KCTD9: variants seen among roughly 807,000 people sequenced by gnomAD.
KCTD9 encodes the protein potassium channel tetramerization domain containing 9.
A neutral mutation model predicts 53.3 loss-of-function variants in KCTD9; 17 were observed. The ratio of observed to expected loss-of-function variants is 0.32; its 90% CI spans 0.22 to 0.48. The LOEUF is 0.48. KCTD9 is among the 20% of genes least tolerant of loss of function. KCTD9 has a pLI of 0.99. For missense variants in KCTD9, 179 were observed against 465.5 expected (o/e 0.38, Z 5.66); for synonymous variants, 128 against 162.7 (o/e 0.79, Z 1.62).
intron 6 of KCTD9, 48 bp from the exon 7 acceptor site, chr8:25,436,533 T>A: frequency 1.5e-5 from 16 of 1,077,454 alleles, no homozygotes; most frequent in Non-Finnish European, 2.0e-5. Context: ...AGTGAATGTA[T>A]TACATTCATT....
intron 2 of KCTD9, 60 bp from the exon 3 acceptor site, chr8:25,444,395 G>T: frequency 6.8e-7 from 1 of 1,460,160 alleles, no homozygotes; most frequent in Non-Finnish European, 9.5e-7. Flanking sequence ...TTAATTATCT[G>T]TTGCTTATAG....
intron 1 of KCTD9, among the ~76,000 whole-genome samples, chr8:25,453,218 G>A (rs1563250823): frequency 6.6e-6 from 1 of 152,072 alleles, no homozygotes; most frequent in Non-Finnish European, 1.5e-5. Flanking sequence ...TTAGCTGGGA[G>A]TGGTGGCACG....
At position 25,428,204 on chromosome 8, in the gene KCTD9, T is replaced by A. The variant is rs1217952475; in HGVS notation, c.*1653A>T. On this transcript the variant is annotated 3_prime_UTR_variant, in exon 12 of 12. Coordinates refer to ENST00000221200, the MANE Select transcript of KCTD9 (RefSeq NM_017634.4). ...TAATTCCTGAAAATATAGTACAGAG[T>A]GAAATGATTTAAATATAATTTAGGC... is the stretch of plus-strand genomic sequence containing the variant. The A allele has an allele frequency of 2.0e-5, 3 of 152,566 alleles. No individual in the cohort carries two copies. The highest frequency in any genetic ancestry group is 4.4e-5 in the Non-Finnish European group (3 of 68,026). 9.5% of individuals were successfully genotyped at this position (152,566 alleles called of 1,614,324 possible).
chr8:25,449,298 C>A (rs1586436218), intron 1 of KCTD9, among the ~76,000 whole-genome samples: 1 of 152,290 alleles, frequency 6.6e-6, no homozygotes, highest in East Asian at 1.9e-4. Flanking sequence ...TCTTTCTTTT[C>A]CCTCTTATTT....
At chr8:25,436,698 CAAA>C (rs1327055230) in intron 6 of KCTD9, among the ~76,000 whole-genome samples, 1 of 151,870 alleles carries the variant, frequency 6.6e-6, no homozygotes, top group Non-Finnish European at 1.5e-5. Context: ...ACAAAAAAGT[CAAA>C]AGTATAATTC....
At chr8:25,439,090 C>T (rs1802071191) in intron 6 of KCTD9, among the ~76,000 whole-genome samples, 189 bp downstream of exon 6, 1 of 152,110 alleles carries the variant, frequency 6.6e-6, no homozygotes, top group African/African-American at 2.4e-5. Flanking sequence ...ACCACCTGCC[C>T]GTGCCTAAAT....
Position 25,444,338 on chromosome 8 carries a change from G to A in KCTD9, c.171-3C>T. On this transcript the variant is annotated splice_region_variant and splice_polypyrimidine_tract_variant and intron_variant, in intron 2 of 11. Transcript: ENST00000221200. ...AAACAAACAAAACATCATCATCCCT[G>A]GGGAAATCAAAATTTAAAAAGCTAC... 4 of 1,599,748 alleles carry A rather than the reference G, an allele frequency of 2.5e-6. No homozygotes were observed. Among genetic ancestry groups the A allele is most frequent in the South Asian group, 1.1e-5 (1 of 88,850 alleles).
chr8:25,454,970 A>C (rs1287062481), intron 1 of KCTD9, among the ~76,000 whole-genome samples: 1 of 152,210 alleles, frequency 6.6e-6, no homozygotes, highest in Non-Finnish European at 1.5e-5. Context: ...TCACGCCTGT[A>C]ATCCTAGCAC....
intron 4 of KCTD9, among the ~76,000 whole-genome samples, chr8:25,440,269 G>T (rs1003434967): frequency 6.6e-6 from 1 of 151,284 alleles, no homozygotes; most frequent in Non-Finnish European, 1.5e-5. Flanking sequence ...CATTTTAGCC[G>T]GGATGGTCTC....
intron 1 of KCTD9, chr8:25,451,365 T>C (rs1013641636): frequency 4.6e-5 from 7 of 152,212 alleles, no homozygotes; most frequent in African/African-American, 1.4e-4. Flanking sequence ...AAAAATCTTG[T>C]ATATCATGGA....
intron 3 of KCTD9, among the ~76,000 whole-genome samples, chr8:25,442,545 C>T (rs2117413853): frequency 6.6e-6 from 1 of 152,220 alleles, no homozygotes; most frequent in East Asian, 1.9e-4. Flanking sequence ...ATGGCAATGG[C>T]ATCTTGCCAT....
At chr8:25,447,367 A>T (rs1381216432) in intron 1 of KCTD9, among the ~76,000 whole-genome samples, 5 of 152,136 alleles carry the variant, frequency 3.3e-5, no homozygotes, top group African/African-American at 1.2e-4. Context: ...AGCCTTTATG[A>T]CCAAGCAAGG....
intron 5 of KCTD9, 96 bp from the exon 6 acceptor site, chr8:25,439,503 T>A: frequency 1.3e-6 from 2 of 1,560,354 alleles, no homozygotes; most frequent in South Asian, 1.2e-5. Flanking sequence ...TTTTTACTCT[T>A]AAAAACTGAC....
intron 1 of KCTD9, among the ~76,000 whole-genome samples, chr8:25,451,769 A>G (rs1802324130): frequency 6.6e-6 from 1 of 152,242 alleles, no homozygotes; most frequent in Admixed American, 6.5e-5. Flanking sequence ...TATTATTTAA[A>G]TTTAAAAATT....
intron 6 of KCTD9, 43 bp downstream of exon 6, chr8:25,439,236 G>A: frequency 2.1e-6 from 3 of 1,460,398 alleles, no homozygotes; most frequent in Non-Finnish European, 2.8e-6. Context: ...TTACAAAAAT[G>A]TGAGTAGTTA....
Position 25,448,969 on chromosome 8 carries a change from T to C in KCTD9, c.49-2719A>G, listed in dbSNP as rs78812200. On this transcript the variant is annotated intron_variant, in intron 1 of 11. Coordinates refer to ENST00000221200, the MANE Select transcript of KCTD9 (RefSeq NM_017634.4). ...ACTAAAACATGTCCCCCATATTTCC[T>C]ATGATTGTTCACCTCTGCAACACAG... Among the ~76,000 whole-genome samples, 526 of 152,202 alleles carry C rather than the reference T, an allele frequency of 3.5e-3. 24 individuals are homozygous for C. The East Asian group carries it at 0.078, about 22-fold the overall frequency.
rs1157418337 is a variant in KCTD9 at position 25,458,345 on chromosome 8, C to A, written c.-99G>T. 2 of 1,374,972 alleles carry A rather than the reference C, an allele frequency of 1.5e-6. No individual in the cohort carries two copies. The highest frequency in any genetic ancestry group is 2.8e-5 in the African/African-American group (2 of 70,662). 85.2% of individuals were successfully genotyped at this position (1,374,972 alleles called of 1,614,324 possible). A position where few individuals can be genotyped will look rare whatever the true frequency, so the allele number is the denominator to read the frequency against. On this transcript the variant is annotated 5_prime_UTR_variant, in exon 1 of 12. Transcript: ENST00000221200. The stretch of plus-strand genomic sequence containing the variant: ...CGCCCTTCCCCTCCCTCCACCCACT[C>A]GGATTCGCCTCCCTTCGCCACCTTC...
intron 1 of KCTD9, among the ~76,000 whole-genome samples, chr8:25,454,392 C>T (rs1344958182): frequency 6.6e-6 from 1 of 152,148 alleles, no homozygotes; most frequent in East Asian, 1.9e-4. Flanking sequence ...AGGCCTAGGA[C>T]TTGCACAGCT....
chr8:25,430,826 C>T (rs1801914409), intron 11 of KCTD9, among the ~76,000 whole-genome samples: 1 of 151,584 alleles, frequency 6.6e-6, no homozygotes, highest in South Asian at 2.1e-4. Context: ...CACACACACA[C>T]ACACACACAC....
Sources: gnomAD v4.1 joint callset for allele counts (sites outside exome capture counted in the v4.1 genomes callset) on GRCh38, gnomAD v4.1.1 for gene constraint, MANE v1.5 for transcripts, NCBI Gene and HGNC (gene_info 2026-07-23, HGNC 2026-07-21) for gene names.